The following RIPOR3 variants were observed in gnomAD, a reference collection of about 807,000 sequenced individuals.
RIPOR3 encodes the protein RIPOR family member 3.
Under a neutral mutation model 114.3 loss-of-function variants are expected in RIPOR3, and 95 were observed. The observed-to-expected ratio is 0.83, with a 90% CI of 0.70 to 0.99. RIPOR3 has a LOEUF of 0.99. Among genes scored for constraint, RIPOR3 ranks in the 50% least tolerant of loss-of-function variants. The pLI is 0.00. For synonymous variants in RIPOR3, 575 were observed against 543.8 expected, an observed-to-expected ratio of 1.06 and a Z score of -0.80; for missense variants, 1,252 against 1,266.9, an observed-to-expected ratio of 0.99 and a Z score of 0.18.
intron 11 of RIPOR3, among the ~76,000 whole-genome samples, chr20:50,606,160 T>G (rs2083706647): frequency 6.6e-6 from 1 of 152,164 alleles, no homozygotes; most frequent in Non-Finnish European, 1.5e-5. Context: ...GAGCCGAGAT[T>G]GCGCCATTGC....
intron 8 of RIPOR3, 122 bp downstream of exon 8, chr20:50,609,171 C>G (rs60852878): frequency 1.6e-5 from 22 of 1,345,706 alleles, no homozygotes; most frequent in Non-Finnish European, 2.2e-5. Flanking sequence ...TCACATGTCA[C>G]ATGGATGCAA....
rs765845498 is a variant in RIPOR3, at chr20:50,592,375, C to A, written c.2546G>T (p.Gly849Val). ...VCRAASARLA[G>V]AVRNRSFREK... ...CCGGAAGCTTCTGTTCCTGACTGCA[C>A]CAGCCAGGCGAGCGCTGGCCGCCCT... Residue 849 changes from glycine (G) to valine (V), a missense_variant, in exon 19 of 22, where the codon GGT becomes GTT. Gly to Val is a moderately radical substitution (Grantham distance 109, BLOSUM62 -3). Coordinates refer to ENST00000327979, the MANE Select transcript of RIPOR3 (RefSeq NM_001290268.2). The A allele has an allele frequency of 6.2e-7, 1 of 1,603,278 alleles. No individual in the cohort carries two copies. Among genetic ancestry groups the A allele is most frequent in the South Asian group, 1.1e-5 (1 of 90,380 alleles).
At chr20:50,678,416 A>C (rs1206971833) in intron 1 of RIPOR3, among the ~76,000 whole-genome samples, 1 of 151,876 alleles carries the variant, frequency 6.6e-6, no homozygotes, top group African/African-American at 2.4e-5. Flanking sequence ...ACCCCACCCC[A>C]CAGGCCTGTT....
chr20:50,602,049 C>CT lies in RIPOR3; in HGVS notation c.1659+22_1659+23insA. 1 of 1,466,620 alleles carries CT rather than the reference C, an allele frequency of 6.8e-7. No individual in the cohort carries two copies. The highest frequency in any genetic ancestry group is 9.0e-7 in the Non-Finnish European group (1 of 1,110,970). 90.9% of individuals were successfully genotyped at this position (1,466,620 alleles called of 1,614,324 possible). On this transcript the variant is annotated intron_variant, in intron 13 of 21. Transcript: ENST00000327979. The surrounding 1 kb of genome is among the most constrained non-coding windows in gnomAD (Gnocchi z 4.3). ...CATGCCATCAGCAAAGCAGGGCCAC[C>CT]GCCCGGGGCGGGGTGGCCATACCTT... is the stretch of plus-strand genomic sequence containing the variant.
chr20:50,589,575 C>T (rs138747400), intron 20 of RIPOR3, 111 bp downstream of exon 20: 10 of 1,144,544 alleles, frequency 8.7e-6, no homozygotes, highest in East Asian at 2.9e-5. Context: ...AGATTACAGG[C>T]GTGAGCCATC....
At chr20:50,684,763 C>T (rs1011876958) in intron 1 of RIPOR3, among the ~76,000 whole-genome samples, 4 of 152,090 alleles carry the variant, frequency 2.6e-5, no homozygotes, top group Non-Finnish European at 4.4e-5. Flanking sequence ...GGGGAGCCAA[C>T]GGAATTTCTT....
intron 11 of RIPOR3, among the ~76,000 whole-genome samples, chr20:50,605,200 TG>T (rs1197757045): frequency 6.6e-6 from 1 of 152,184 alleles, no homozygotes; most frequent in Non-Finnish European, 1.5e-5. Flanking sequence ...CCCAAAGTGC[TG>T]GGATTACAGG....
chr20:50,671,577 T>C, intron 1 of RIPOR3, among the ~76,000 whole-genome samples: 1 of 152,306 alleles, frequency 6.6e-6, no homozygotes, highest in Middle Eastern at 3.4e-3. Flanking sequence ...TAGCAATAGA[T>C]AACTAATACA....
chr20:50,594,961 C>T, intron 16 of RIPOR3: 8 of 531,168 alleles, frequency 1.5e-5, no homozygotes, highest in Non-Finnish European at 2.0e-5. Context: ...CCTCTCCTTA[C>T]AGACAAGGAA....
At position 50,608,716 on chromosome 20, in the gene RIPOR3, T is replaced by C. The variant is rs2123052609; in HGVS notation, c.707A>G (p.Gln236Arg). ...GATCCGACCCTTGAGCTTCCAACGC[T>C]GGCGGCCCAGACGCATGAGCACCTG... ...HYEVLMRLGR[Q>R]RWKLKGRIES... The change falls in exon 10 of 22, where the codon CAG becomes CGG. Residue 236 changes from glutamine to arginine, a missense_variant. Gln to Arg is a conservative substitution (Grantham distance 43). Coordinates refer to ENST00000327979, the MANE Select transcript of RIPOR3 (RefSeq NM_001290268.2). The C allele has an allele frequency of 1.2e-6, 2 of 1,614,026 alleles. No individual in the cohort carries two copies. Among genetic ancestry groups the C allele is most frequent in the East Asian group, 4.5e-5 (2 of 44,864 alleles).
At chr20:50,659,807 A>C (rs1167562927) in intron 1 of RIPOR3, 2 of 152,080 alleles carry the variant, frequency 1.3e-5, no homozygotes, top group African/African-American at 4.8e-5. Flanking sequence ...TTCTCTGGGA[A>C]GGTATTGGGG....
chr20:50,606,996 C>T (rs1197670606), intron 11 of RIPOR3, among the ~76,000 whole-genome samples: 1 of 152,200 alleles, frequency 6.6e-6, no homozygotes, highest in Admixed American at 6.5e-5. Context: ...TCTCAAAGTG[C>T]TGGGATTATA....
intron 1 of RIPOR3, among the ~76,000 whole-genome samples, chr20:50,663,925 CTT>C (rs11477745): frequency 0.46 from 56,408 of 123,542 alleles, 13,831 homozygotes; most frequent in Middle Eastern, 0.62. Flanking sequence ...CTCTCTCTCT[CTT>C]TTTTTTTTTT....
chr20:50,623,105 C>CA (rs2084480046), intron 2 of RIPOR3, among the ~76,000 whole-genome samples: 1 of 151,384 alleles, frequency 6.6e-6, no homozygotes, highest in African/African-American at 2.4e-5. Context: ...CTCTACTAAA[C>CA]AAAAAATTAG....
intron 1 of RIPOR3, among the ~76,000 whole-genome samples, chr20:50,682,844 C>T (rs1321356838): frequency 1.3e-5 from 2 of 151,636 alleles, no homozygotes; most frequent in African/African-American, 2.4e-5. Flanking sequence ...TCTCCTGCCT[C>T]GGCCTCCCTA....
intron 1 of RIPOR3, among the ~76,000 whole-genome samples, chr20:50,648,238 T>G (rs1258925774): frequency 6.6e-6 from 1 of 151,152 alleles, no homozygotes; most frequent in Non-Finnish European, 1.5e-5. Flanking sequence ...ATCATGCCAC[T>G]GCACTCCAGC....
At chr20:50,622,013 A>G (rs1394691808) in intron 2 of RIPOR3, among the ~76,000 whole-genome samples, 2 of 152,162 alleles carry the variant, frequency 1.3e-5, no homozygotes, top group Non-Finnish European at 2.9e-5. Context: ...TAACTTATCC[A>G]TGAGGCTGGC....
chr20:50,647,683 C>T (rs1354324695), intron 1 of RIPOR3, among the ~76,000 whole-genome samples: 6 of 151,322 alleles, frequency 4.0e-5, no homozygotes, highest in Non-Finnish European at 5.9e-5. Context: ...AGGGTTTCAC[C>T]GTGTTAGCCA....
At chr20:50,675,671 A>G (rs1231270359) in intron 1 of RIPOR3, among the ~76,000 whole-genome samples, 2 of 152,218 alleles carry the variant, frequency 1.3e-5, no homozygotes. Flanking sequence ...TTAGGGTCTG[A>G]CAAAGCCAGG....
Sources: allele counts gnomAD v4.1 joint callset (sites outside exome capture counted in the v4.1 genomes callset), GRCh38; gene constraint gnomAD v4.1.1; non-coding constraint Gnocchi (gnomAD v3.1); transcripts MANE v1.5; gene names NCBI Gene and HGNC (gene_info 2026-07-23, HGNC 2026-07-21).